YEATS4: variants seen among roughly 807,000 people sequenced by gnomAD.
The protein encoded by YEATS4 is YEATS domain-containing protein 4.
YEATS4 carries 17 observed loss-of-function variants against 30.1 expected under a neutral mutation model. That is an observed-to-expected ratio of 0.56 (90% confidence interval 0.39 to 0.85). The LOEUF (loss-of-function observed/expected upper bound fraction) is 0.85, where lower values mean the gene tolerates loss of function less well. Among genes scored for constraint, YEATS4 ranks in the 40% least tolerant of loss-of-function variants. YEATS4 has a pLI of 0.00. For missense variants in YEATS4, 142 were observed against 268.3 expected (o/e 0.53, Z 3.29); for synonymous variants, 85 against 87.5 (o/e 0.97, Z 0.16).
the YEATS4 span, among the ~76,000 whole-genome samples, chr12:69,415,956 C>T: frequency 6.6e-6 from 1 of 152,208 alleles, no homozygotes; most frequent in Non-Finnish European, 1.5e-5. Context: ...AGAAGCCTTG[C>T]AATACATTTT....
At chr12:69,416,315 A>G in the YEATS4 span, among the ~76,000 whole-genome samples, 28 of 152,336 alleles carry the variant, frequency 1.8e-4, no homozygotes, top group African/African-American at 6.5e-4. Context: ...TTATCTAGCA[A>G]CAAAAAGAAG....
chr12:69,417,387 T>C, the YEATS4 span, among the ~76,000 whole-genome samples: 1 of 151,954 alleles, frequency 6.6e-6, no homozygotes, highest in Non-Finnish European at 1.5e-5. Context: ...CTTCAACTCC[T>C]GAGCTCAAGT....
chr12:69,380,869 CA>C (rs2121022917), intron 6 of YEATS4, among the ~76,000 whole-genome samples: 1 of 152,206 alleles, frequency 6.6e-6, no homozygotes, highest in East Asian at 1.9e-4. Flanking sequence ...ACAAAACCAG[CA>C]AGTTTTTATT....
chr12:69,360,084 G>A, intron 1 of YEATS4, 61 bp downstream of exon 1: 1 of 1,559,462 alleles, frequency 6.4e-7, no homozygotes, highest in Non-Finnish European at 8.8e-7. Context: ...CTCCCTGCGC[G>A]GCGCGGGGAG....
At chr12:69,380,893 AAGGGGAGGGAG>A (rs1876049998) in intron 6 of YEATS4, among the ~76,000 whole-genome samples, 1 of 152,072 alleles carries the variant, frequency 6.6e-6, no homozygotes, top group African/African-American at 2.4e-5. Context: ...TGATTTTCAA[AAGGGGAGGGAG>A]TGTATGAATA....
chr12:69,373,318 C>T (rs915616448), intron 6 of YEATS4, among the ~76,000 whole-genome samples: 1 of 152,036 alleles, frequency 6.6e-6, no homozygotes, highest in South Asian at 2.1e-4. Flanking sequence ...CCTGTCTTTT[C>T]GATAACAGCC....
At chr12:69,379,860 G>C (rs1247013868) in intron 6 of YEATS4, among the ~76,000 whole-genome samples, 1 of 151,900 alleles carries the variant, frequency 6.6e-6, no homozygotes, top group African/African-American at 2.4e-5. Context: ...TCTTTGTTCT[G>C]CTTGATCAGT....
chr12:69,367,789 T>C (rs2120933864), intron 4 of YEATS4, among the ~76,000 whole-genome samples: 1 of 152,222 alleles, frequency 6.6e-6, no homozygotes, highest in East Asian at 1.9e-4. Flanking sequence ...GCATAGAATT[T>C]AGCAGATGTT....
intron 4 of YEATS4, among the ~76,000 whole-genome samples, chr12:69,366,734 G>A (rs934379785): frequency 6.6e-6 from 1 of 151,962 alleles, no homozygotes; most frequent in Non-Finnish European, 1.5e-5. Flanking sequence ...CAGTCTTTTA[G>A]CACCAAACAT....
chr12:69,402,992 G>T, the YEATS4 span, among the ~76,000 whole-genome samples: 1 of 151,762 alleles, frequency 6.6e-6, no homozygotes, highest in African/African-American at 2.4e-5. Flanking sequence ...CAAAGTGCTG[G>T]GATTACAGGC....
the YEATS4 span, among the ~76,000 whole-genome samples, chr12:69,412,379 C>T: frequency 3.3e-5 from 5 of 152,016 alleles, no homozygotes; most frequent in Admixed American, 6.6e-5. Flanking sequence ...AGTCCGGGCG[C>T]GGTGGCTCAC....
At chr12:69,366,146 A>T (rs1420288644) in intron 4 of YEATS4, among the ~76,000 whole-genome samples, 7 of 152,124 alleles carry the variant, frequency 4.6e-5, no homozygotes, top group African/African-American at 1.7e-4. Context: ...CAGCAAAAAA[A>T]CTTAAAACTA....
intron 4 of YEATS4, among the ~76,000 whole-genome samples, chr12:69,369,615 G>T (rs563489787): frequency 2.0e-5 from 3 of 152,334 alleles, no homozygotes; most frequent in African/African-American, 7.2e-5. Context: ...TTTTCAGGTT[G>T]TGGTTTTTCT....
At chr12:69,365,458 A>G (rs1353417231) in intron 2 of YEATS4, among the ~76,000 whole-genome samples, 175 bp from the exon 3 acceptor site, 1 of 152,026 alleles carries the variant, frequency 6.6e-6, no homozygotes, top group African/African-American at 2.4e-5. Flanking sequence ...CTCAGGAAAA[A>G]AAAAAAAAAA....
the YEATS4 span, among the ~76,000 whole-genome samples, chr12:69,402,576 C>G: frequency 6.6e-6 from 1 of 152,132 alleles, no homozygotes; most frequent in Non-Finnish European, 1.5e-5. Flanking sequence ...AGATCCTAAA[C>G]TCTGCTATTG....
rs532033040 is a variant in YEATS4 at position 69,366,100 on chromosome 12, T to C, written c.333+216T>C. On this transcript the variant is annotated intron_variant, in intron 4 of 6. Transcript: ENST00000247843. The stretch of plus-strand genomic sequence containing the variant: ...GAAAAAAACATATAATATGAACATG[T>C]ATTGGAAAGAAACCATGGAAATCAG... Among the ~76,000 whole-genome samples, 211 of 152,172 alleles carry C rather than the reference T, an allele frequency of 1.4e-3. 1 individual carries two copies. The highest frequency in any genetic ancestry group is 5.0e-3 in the African/African-American group (206 of 41,528).
At chr12:69,364,363 T>C (rs1418722362) in intron 2 of YEATS4, 7 of 190,814 alleles carry the variant, frequency 3.7e-5, no homozygotes, top group African/African-American at 1.4e-4. Flanking sequence ...AATGTAGATA[T>C]AAGTAATTTA....
intron 2 of YEATS4, among the ~76,000 whole-genome samples, chr12:69,363,441 T>A (rs555498125): frequency 1.3e-4 from 20 of 152,350 alleles, no homozygotes; most frequent in Non-Finnish European, 2.5e-4. Flanking sequence ...TAATTAAAAT[T>A]AAGATAACAA....
At chr12:69,360,401 T>G (rs1030407491) in intron 1 of YEATS4, among the ~76,000 whole-genome samples, 40 of 152,100 alleles carry the variant, frequency 2.6e-4, no homozygotes, top group African/African-American at 8.7e-4. Flanking sequence ...AGGATAACAA[T>G]AACTGTAGCA....
Sources: allele counts gnomAD v4.1 joint callset (sites outside exome capture counted in the v4.1 genomes callset), GRCh38; gene constraint gnomAD v4.1.1; transcripts MANE v1.5; gene names NCBI Gene and HGNC (gene_info 2026-07-23, HGNC 2026-07-21).